The following FTO variants were observed in gnomAD, a reference collection of about 807,000 sequenced individuals.
FTO encodes FTO alpha-ketoglutarate dependent dioxygenase, also known as alpha-ketoglutarate-dependent dioxygenase FTO.
Under a neutral mutation model 63.9 loss-of-function variants are expected in FTO, and 47 were observed. The ratio of observed to expected loss-of-function variants is 0.74; its 90% confidence interval spans 0.58 to 0.94. The LOEUF (loss-of-function observed/expected upper bound fraction) is 0.94, where lower values mean the gene tolerates loss of function less well. Ranked by LOEUF, FTO falls within the 40% of genes least tolerant of loss-of-function variation. FTO has a pLI of 0.00. For missense variants in FTO, 562 were observed against 618.1 expected (o/e 0.91, Z 0.96); for synonymous variants, 207 against 224.4 (o/e 0.92, Z 0.69).
At chr16:53,858,059 CATATT>C (rs1452497865) in intron 4 of FTO, among the ~76,000 whole-genome samples, 1 of 151,894 alleles carries the variant, frequency 6.6e-6, no homozygotes, top group East Asian at 1.9e-4. Flanking sequence ...AAAGGATAAA[CATATT>C]ACTAAGTATA....
chr16:53,971,520 G>A (rs1387472585), intron 8 of FTO, among the ~76,000 whole-genome samples: 17 of 152,170 alleles, frequency 1.1e-4, no homozygotes, highest in Admixed American at 5.2e-4. Context: ...TTAATCTGTC[G>A]ACTAATTGTA....
intron 1 of FTO, among the ~76,000 whole-genome samples, chr16:53,771,460 C>T (rs916388713): frequency 7.2e-5 from 11 of 152,130 alleles, no homozygotes; most frequent in Non-Finnish European, 1.3e-4. Flanking sequence ...TTCTTCCTAT[C>T]TAGTCTCCTT....
intron 8 of FTO, among the ~76,000 whole-genome samples, chr16:54,093,692 A>T (rs1341676851): frequency 6.6e-6 from 1 of 152,118 alleles, no homozygotes; most frequent in East Asian, 1.9e-4. Context: ...TTGATTCCTT[A>T]TGACCTTCTG....
intron 3 of FTO, among the ~76,000 whole-genome samples, chr16:53,843,460 C>T (rs2079531055): frequency 1.3e-5 from 2 of 152,136 alleles, no homozygotes; most frequent in South Asian, 4.1e-4. Context: ...TAAATTGGAA[C>T]ATATTTTTAT....
At chr16:53,718,943 A>G (rs2075962187) in intron 1 of FTO, among the ~76,000 whole-genome samples, 2 of 152,204 alleles carry the variant, frequency 1.3e-5, no homozygotes, top group African/African-American at 4.8e-5. Context: ...GTATATCAGA[A>G]TCTTTGAATG....
At chr16:54,108,717 G>A (rs1324723013) in intron 8 of FTO, among the ~76,000 whole-genome samples, 2 of 152,198 alleles carry the variant, frequency 1.3e-5, no homozygotes. Context: ...TATAATTCAT[G>A]TAATCTTCAC....
At chr16:54,026,887 G>T (rs1193516584) in intron 8 of FTO, among the ~76,000 whole-genome samples, 1 of 152,134 alleles carries the variant, frequency 6.6e-6, no homozygotes, top group Admixed American at 6.5e-5. Flanking sequence ...TAGCCTTTTT[G>T]CAATGCAACG....
At chr16:54,007,843 T>A (rs1125337) in intron 8 of FTO, among the ~76,000 whole-genome samples, 102,426 of 152,178 alleles carry the variant, frequency 0.67, 35,553 homozygotes, top group African/African-American at 0.84. Flanking sequence ...TTATTTTAAA[T>A]TACTCTACAA....
chr16:53,950,631 G>C (rs1459955376), intron 8 of FTO, among the ~76,000 whole-genome samples: 1 of 152,186 alleles, frequency 6.6e-6, no homozygotes, highest in Non-Finnish European at 1.5e-5. Flanking sequence ...CTTCATGTGA[G>C]AGAGTGCCCA....
chr16:53,722,315 AAGATCCCTC>A (rs753886148), intron 1 of FTO, among the ~76,000 whole-genome samples: 54 of 152,308 alleles, frequency 3.5e-4, no homozygotes, highest in African/African-American at 9.9e-4. Context: ...TGGGGATTAT[AAGATCCCTC>A]TGGCTGACAA....
intron 2 of FTO, among the ~76,000 whole-genome samples, chr16:53,817,012 A>G (rs537214874): frequency 3.9e-5 from 6 of 152,168 alleles, no homozygotes; most frequent in East Asian, 3.9e-4. Flanking sequence ...TCACACTTCT[A>G]TTGTAGGACA....
chr16:53,954,207 C>T (rs748501078), intron 8 of FTO, among the ~76,000 whole-genome samples: 2 of 152,156 alleles, frequency 1.3e-5, no homozygotes, highest in Non-Finnish European at 2.9e-5. Flanking sequence ...TTAAGCACAT[C>T]TCGAGAATGA....
intron 1 of FTO, among the ~76,000 whole-genome samples, chr16:53,802,563 C>T (rs182457499): frequency 6.6e-6 from 1 of 152,162 alleles, no homozygotes; most frequent in Non-Finnish European, 1.5e-5. Flanking sequence ...GATTGAAGTC[C>T]TTTGAACATC....
chr16:53,911,424 C>A (rs1418448100), intron 7 of FTO: 2 of 702,980 alleles, frequency 2.8e-6, no homozygotes, highest in South Asian at 1.5e-5. Flanking sequence ...TCGAACCCTG[C>A]AGGGAAGTTA....
rs559369665 is a variant in FTO at position 53,851,725 on chromosome 16, G to A, written c.895+7427G>A. Among the ~76,000 whole-genome samples, 4 of 151,978 alleles carry A rather than the reference G, an allele frequency of 2.6e-5. 1 individual carries two copies. Among genetic ancestry groups the A allele is most frequent in the African/African-American group, 7.2e-5 (3 of 41,436 alleles). ...TGTTTGTTTTTTGTACATAATATGT[G>A]CTGGAAATTTTTTTATGTCAGTATG... On this transcript the variant is annotated intron_variant, in intron 4 of 8. Coordinates refer to ENST00000471389, the MANE Select transcript of FTO (RefSeq NM_001080432.3).
chr16:53,819,412 T>C (rs753850333), intron 2 of FTO, among the ~76,000 whole-genome samples: 1 of 152,310 alleles, frequency 6.6e-6, no homozygotes, highest in African/African-American at 2.4e-5. Flanking sequence ...GCTCAAGCAA[T>C]ACACCCGCCT....
chr16:53,996,110 T>C (rs1281148688), intron 8 of FTO, among the ~76,000 whole-genome samples: 3 of 152,144 alleles, frequency 2.0e-5, no homozygotes, highest in Non-Finnish European at 2.9e-5. Context: ...TACATTGATG[T>C]TGGTGAAGCA....
intron 1 of FTO, among the ~76,000 whole-genome samples, chr16:53,728,663 A>T (rs1380056437): frequency 3.3e-5 from 5 of 152,048 alleles, no homozygotes; most frequent in Non-Finnish European, 5.9e-5. Flanking sequence ...GTCACAGAAG[A>T]GCTTTCACTG....
chr16:53,936,856 G>A (rs545445546), intron 8 of FTO, among the ~76,000 whole-genome samples: 35 of 152,172 alleles, frequency 2.3e-4, no homozygotes, highest in African/African-American at 6.0e-4. Context: ...CGGAGCCGCC[G>A]CAGCTGGCAG....
Sources: allele counts gnomAD v4.1 joint callset (sites outside exome capture counted in the v4.1 genomes callset), GRCh38; gene constraint gnomAD v4.1.1; transcripts MANE v1.5; gene names NCBI Gene and HGNC (gene_info 2026-07-23, HGNC 2026-07-21).